Variants in C3orf70 observed in about 807,000 individuals in gnomAD.
C3orf70 encodes chromosome 3 open reading frame 70, also known as UPF0524 protein C3orf70.
Under a neutral mutation model 20.7 loss-of-function variants are expected in C3orf70, and 15 were observed. The ratio of observed to expected loss-of-function variants is 0.72; its 90% CI spans 0.48 to 1.11. The LOEUF is 1.11. C3orf70 is among the 50% of genes most tolerant of loss of function. C3orf70 has a pLI of 0.00. For synonymous variants in C3orf70, 161 were observed against 125.7 expected, an observed-to-expected ratio of 1.28 and a Z score of -1.88; for missense variants, 332 against 317.6, an observed-to-expected ratio of 1.05 and a Z score of -0.34.
chr3:185,104,103 C>A (rs1413456120), intron 1 of C3orf70, among the ~76,000 whole-genome samples: 4 of 152,184 alleles, frequency 2.6e-5, no homozygotes, highest in African/African-American at 9.7e-5. Flanking sequence ...TTGAGTTCAA[C>A]TGTAAAACGG....
chr3:185,135,797 G>A (rs1355814408), intron 1 of C3orf70, among the ~76,000 whole-genome samples: 1 of 150,716 alleles, frequency 6.6e-6, no homozygotes, highest in Middle Eastern at 3.2e-3. Context: ...AAATTAAATC[G>A]AATTTTTAAA....
intron 1 of C3orf70, among the ~76,000 whole-genome samples, chr3:185,149,226 C>T (rs1400380391): frequency 1.3e-5 from 2 of 152,038 alleles, no homozygotes; most frequent in Non-Finnish European, 2.9e-5. Flanking sequence ...AATCCCGTCT[C>T]TACTAAAAAT....
intron 1 of C3orf70, 144 bp from the exon 2 acceptor site, chr3:185,083,707 G>A: frequency 3.3e-6 from 2 of 613,864 alleles, no homozygotes; most frequent in South Asian, 3.0e-5. Context: ...TTCAACATTG[G>A]TATAGTCAAT....
intron 1 of C3orf70, among the ~76,000 whole-genome samples, chr3:185,120,033 A>AAGAAAAAGAAAG (rs1553920937): frequency 1.1e-4 from 11 of 100,784 alleles, no homozygotes; most frequent in Non-Finnish European, 1.6e-4. Flanking sequence ...AAAAAAAAAA[A>AAGAAAAAGAAAG]AAAAAGAAAA....
At chr3:185,116,785 T>TC (rs1716183483) in intron 1 of C3orf70, among the ~76,000 whole-genome samples, 1 of 151,942 alleles carries the variant, frequency 6.6e-6, no homozygotes, top group African/African-American at 2.4e-5. Context: ...CTCTACATTT[T>TC]TTTTTTTTTT....
intron 1 of C3orf70, among the ~76,000 whole-genome samples, chr3:185,128,541 C>A (rs7645197): frequency 0.15 from 21,656 of 146,150 alleles, 1,725 homozygotes; most frequent in East Asian, 0.23. Context: ...AAAAAAAAAA[C>A]AACAAAACCC....
chr3:185,123,396 C>G (rs7629390), intron 1 of C3orf70, among the ~76,000 whole-genome samples: 67,546 of 151,772 alleles, frequency 0.45, 16,105 homozygotes, highest in Non-Finnish European at 0.56. Flanking sequence ...CATCAAAACA[C>G]TTAGATTGAA....
chr3:185,096,656 A>AG (rs1561334875), intron 1 of C3orf70, among the ~76,000 whole-genome samples: 1 of 152,012 alleles, frequency 6.6e-6, no homozygotes, highest in Admixed American at 6.6e-5. Flanking sequence ...GACAGTGTGA[A>AG]GGGTCTGCGG....
intron 1 of C3orf70, among the ~76,000 whole-genome samples, chr3:185,094,086 T>G (rs936153749): frequency 3.8e-4 from 54 of 143,806 alleles, no homozygotes; most frequent in South Asian, 1.4e-3. Flanking sequence ...TTTTTTTTTT[T>G]TTTTTTTTTT....
chr3:185,097,725 C>A (rs1715738076), intron 1 of C3orf70, among the ~76,000 whole-genome samples: 1 of 152,202 alleles, frequency 6.6e-6, no homozygotes, highest in Non-Finnish European at 1.5e-5. Context: ...GGAGGAAGCA[C>A]CCCTGCCTAT....
intron 1 of C3orf70, among the ~76,000 whole-genome samples, chr3:185,094,074 GTTTTTTTTTT>G (rs71162282): frequency 1.2e-5 from 1 of 80,644 alleles, no homozygotes; most frequent in Non-Finnish European, 2.2e-5. Flanking sequence ...ATACCCTGGG[GTTTTTTTTTT>G]TTTTTTTTTT....
In C3orf70 at chr3:185,097,192, A is replaced by T. The variant is rs191365045; in HGVS notation, c.197-13629T>A. ...ATTTTGATTGTCTACTGAGAAAATAACATTAAGAAGTAGTTTATATATTTG... is the reference window on the plus strand; with the variant it reads ...ATTTTGATTGTCTACTGAGAAAATATCATTAAGAAGTAGTTTATATATTTG... On this transcript the variant is annotated intron_variant, in intron 1 of 1. Transcript: ENST00000335012. 4.6e-5 allele frequency among the ~76,000 whole-genome samples: 7 copies of T among 152,330 alleles called. No homozygotes were observed. The East Asian group carries it at 1.4e-3, about 29-fold the overall frequency.
intron 1 of C3orf70, among the ~76,000 whole-genome samples, chr3:185,105,499 A>G (rs898813090): frequency 2.6e-5 from 4 of 152,208 alleles, no homozygotes; most frequent in Non-Finnish European, 5.9e-5. Flanking sequence ...CATTTCCCAT[A>G]AGGGATACTT....
Position 185,082,838 on chromosome 3 carries a change from G to A in C3orf70, c.*169C>T, listed in dbSNP as rs1382141098. ...TGTTTATAATAAAAAGAATGTCTTA[G>A]TTGTAAGACGGAGAGAAGCTAATCA... On this transcript the variant is annotated 3_prime_UTR_variant, in exon 2 of 2. Transcript: ENST00000335012. 4.6e-6 allele frequency: 3 copies of A among 651,948 alleles called. No individual in the cohort carries two copies. Among genetic ancestry groups the A allele is most frequent in the African/African-American group, 1.8e-5 (1 of 55,460 alleles). The allele number at this position is 651,948 out of a possible 1,614,324, so 40.4% of individuals were successfully genotyped here.
intron 1 of C3orf70, among the ~76,000 whole-genome samples, chr3:185,129,918 T>C (rs566769049): frequency 8.4e-4 from 128 of 152,344 alleles, no homozygotes; most frequent in Non-Finnish European, 1.2e-3. Flanking sequence ...TATGGTTAAA[T>C]AATCAAAGGT....
chr3:185,100,982 G>C (rs917935612), intron 1 of C3orf70, among the ~76,000 whole-genome samples: 2 of 151,984 alleles, frequency 1.3e-5, no homozygotes, highest in African/African-American at 4.8e-5. Flanking sequence ...GACTGAGCCA[G>C]GAAGAAATGG....
Position 185,077,400 on chromosome 3 carries a change from T to C in C3orf70, c.*5607A>G, listed in dbSNP as rs1038908353. ...TAAAGATGTGGACTTCTTGAGCTCT[T>C]TTCCTGATCTGTGAAATGGGGCTGC... is the stretch of plus-strand genomic sequence containing the variant. On this transcript the variant is annotated 3_prime_UTR_variant, in exon 2 of 2. Transcript: ENST00000335012. 2.0e-5 allele frequency among the ~76,000 whole-genome samples: 3 copies of C among 152,210 alleles called. No homozygotes were observed. Among genetic ancestry groups the C allele is most frequent in the African/African-American group, 7.2e-5 (3 of 41,452 alleles).
intron 1 of C3orf70, among the ~76,000 whole-genome samples, chr3:185,120,033 A>AAAAAAAAAAG (rs55921240): frequency 9.9e-6 from 1 of 100,784 alleles, no homozygotes; most frequent in African/African-American, 4.6e-5. Flanking sequence ...AAAAAAAAAA[A>AAAAAAAAAAG]AAAAAGAAAA....
rs1416888348 is a variant in C3orf70 at position 185,083,282 on chromosome 3, C to T, written c.478G>A (p.Glu160Lys). 2.5e-6 allele frequency: 4 copies of T among 1,614,096 alleles called. No individual in the cohort carries two copies. The African/African-American group carries it at 5.3e-5, about 22-fold the overall frequency. ...PAPHSHRMSP[E>K]EVSAHDALIS... ...AAGGCATCGTGTGCAGAGACCTCCT[C>T]AGGGCTCATTCTGTGGGAATGTGGT... Residue 160 changes from glutamate to lysine, a missense_variant, in exon 2 of 2, where the codon GAG becomes AAG. Glu to Lys is a moderately conservative substitution (Grantham distance 56, BLOSUM62 1). Coordinates refer to ENST00000335012, the MANE Select transcript of C3orf70 (RefSeq NM_001025266.3).
Sources: gnomAD v4.1 joint callset for allele counts (sites outside exome capture counted in the v4.1 genomes callset) on GRCh38, gnomAD v4.1.1 for gene constraint, MANE v1.5 for transcripts, NCBI Gene and HGNC (gene_info 2026-07-23, HGNC 2026-07-21) for gene names.